Variants in OPA3 observed in about 807,000 individuals in gnomAD.
OPA3 encodes outer mitochondrial membrane lipid metabolism regulator OPA3.
In OPA3, 6 loss-of-function variants were observed where a neutral mutation model predicts 4.0. The observed-to-expected ratio is 1.51, with a 90% CI of 0.83 to 2.99. OPA3 has a LOEUF of 2.99. OPA3 is among the 30% of genes most tolerant of loss of function. The pLI, the probability that OPA3 is intolerant of heterozygous loss-of-function variation, is 0.00. For missense variants in OPA3, 235 were observed against 256.2 expected (o/e 0.92, Z 0.56); for synonymous variants, 105 against 117.1 (o/e 0.90, Z 0.67).
At chr19:45,572,515 T>C (rs1199199290) in intron 1 of OPA3, among the ~76,000 whole-genome samples, 1 of 131,698 alleles carries the variant, frequency 7.6e-6, no homozygotes, top group Non-Finnish European at 1.6e-5. Flanking sequence ...ATATCATATA[T>C]GAGATATGAG....
At chr19:45,559,867 C>T (rs1969479023) in intron 1 of OPA3, among the ~76,000 whole-genome samples, 1 of 152,058 alleles carries the variant, frequency 6.6e-6, no homozygotes, top group Non-Finnish European at 1.5e-5. Flanking sequence ...TAATAAATGG[C>T]AGCAAGACCT....
intron 1 of OPA3, among the ~76,000 whole-genome samples, chr19:45,570,920 C>G (rs1282030293): frequency 7.7e-6 from 1 of 130,336 alleles, no homozygotes; most frequent in African/African-American, 2.9e-5. Context: ...CCAAGAGTTT[C>G]CAAATTTACT....
rs539173263 is a variant in OPA3, at chr19:45,540,835, G to A, written c.143-11379C>T. ...AAACAAGCAAAAAAGCCAGAACACC[G>A]GGGTCCAGGACCTCTCTCACTGGAA... On this transcript the variant is annotated intron_variant, in intron 1 of 1. Transcript: ENST00000323060. Among the ~76,000 whole-genome samples, 280 of 151,954 alleles carry A rather than the reference G, an allele frequency of 1.8e-3. 1 individual carries two copies. The highest frequency in any genetic ancestry group is 6.5e-3 in the African/African-American group (270 of 41,478).
chr19:45,545,164 C>CAAAAAAAAA (rs779193252), downstream of OPA3, among the ~76,000 whole-genome samples: 2 of 40,800 alleles, frequency 4.9e-5, no homozygotes, highest in East Asian at 7.2e-4. Context: ...GACACCGTCT[C>CAAAAAAAAA]AAAAAAAAAA....
chr19:45,574,437 T>C (rs1969738355), intron 1 of OPA3, among the ~76,000 whole-genome samples: 1 of 151,000 alleles, frequency 6.6e-6, no homozygotes, highest in South Asian at 2.1e-4. Context: ...GGATTCCATG[T>C]ATACCCCCTG....
At chr19:45,560,816 C>T (rs1969491019) in intron 1 of OPA3, among the ~76,000 whole-genome samples, 1 of 152,164 alleles carries the variant, frequency 6.6e-6, no homozygotes, top group African/African-American at 2.4e-5. Flanking sequence ...TAGGTCACAA[C>T]ACAGTGGCTG....
intron 1 of OPA3, among the ~76,000 whole-genome samples, chr19:45,579,387 ATT>A (rs1969813295): frequency 6.6e-6 from 1 of 151,880 alleles, no homozygotes; most frequent in Non-Finnish European, 1.5e-5. Flanking sequence ...CACCTGGCTA[ATT>A]TTTGTATTTT....
intron 1 of OPA3, among the ~76,000 whole-genome samples, chr19:45,575,113 C>T (rs1969747813): frequency 6.6e-6 from 1 of 152,096 alleles, no homozygotes; most frequent in South Asian, 2.1e-4. Flanking sequence ...GTTTGTTTGC[C>T]TTTTTGAGAC....
chr19:45,575,608 AATT>A (rs1264110807), intron 1 of OPA3, among the ~76,000 whole-genome samples: 1 of 150,756 alleles, frequency 6.6e-6, no homozygotes, highest in African/African-American at 2.4e-5. Flanking sequence ...AAACAGCACA[AATT>A]ATTATTATTA....
downstream of OPA3, among the ~76,000 whole-genome samples, chr19:45,542,664 TG>T (rs1969198879): frequency 6.3e-5 from 8 of 126,474 alleles, no homozygotes; most frequent in South Asian, 1.8e-3. Context: ...ACTGTTTTTT[TG>T]TTTTTTTTTT....
downstream of OPA3, among the ~76,000 whole-genome samples, chr19:45,541,381 C>T (rs752844397): frequency 1.1e-4 from 17 of 152,000 alleles, no homozygotes; most frequent in Non-Finnish European, 2.1e-4. Flanking sequence ...CTGGGAGGTC[C>T]ATTGTTCTTG....
chr19:45,538,722 CAAA>C (rs3038837), intron 1 of OPA3, among the ~76,000 whole-genome samples: 2 of 105,924 alleles, frequency 1.9e-5, no homozygotes, highest in Non-Finnish European at 4.1e-5. Context: ...GACTCCGTCT[CAAA>C]AAAAAAAAAA....
intron 1 of OPA3, among the ~76,000 whole-genome samples, chr19:45,538,326 G>A (rs1472239723): frequency 6.6e-6 from 1 of 151,930 alleles, no homozygotes; most frequent in Middle Eastern, 3.4e-3. Context: ...GAGGCTGAGG[G>A]GGGAGGATTG....
chr19:45,582,053 T>C (rs1019743636), intron 1 of OPA3, among the ~76,000 whole-genome samples: 5 of 151,912 alleles, frequency 3.3e-5, no homozygotes, highest in African/African-American at 9.7e-5. Flanking sequence ...CACCTCGGCC[T>C]CCCAAAGTGC....
At chr19:45,568,582 C>T (rs558180257) in intron 1 of OPA3, among the ~76,000 whole-genome samples, 1 of 152,274 alleles carries the variant, frequency 6.6e-6, no homozygotes, top group East Asian at 1.9e-4. Flanking sequence ...TCCCACAGAC[C>T]TGGCTTGATC....
chr19:45,572,783 A>ATATATATAGATATATATATCATAC (rs1431650573), intron 1 of OPA3, among the ~76,000 whole-genome samples: 1 of 78,908 alleles, frequency 1.3e-5, no homozygotes, highest in African/African-American at 3.4e-5. Flanking sequence ...ATATCATACT[A>ATATATATAGATATATATATCATAC]TATATAGATA....
intron 1 of OPA3, 54 bp downstream of exon 1, chr19:45,584,569 C>A: frequency 6.2e-7 from 1 of 1,613,420 alleles, no homozygotes; most frequent in Non-Finnish European, 8.5e-7. Context: ...AAGCAACCAC[C>A]TGACAGGGGT....
At chr19:45,555,178 T>G (rs952051650) in intron 1 of OPA3, among the ~76,000 whole-genome samples, 2 of 152,172 alleles carry the variant, frequency 1.3e-5, no homozygotes, top group African/African-American at 4.8e-5. Flanking sequence ...TAGAACCTTA[T>G]GGTCACAGGA....
chr19:45,561,832 C>G (rs1190212583), intron 1 of OPA3, among the ~76,000 whole-genome samples: 1 of 151,440 alleles, frequency 6.6e-6, no homozygotes, highest in African/African-American at 2.4e-5. Flanking sequence ...TCCCAGCTAC[C>G]CGGGAGGCTG....
Sources: allele counts gnomAD v4.1 joint callset (sites outside exome capture counted in the v4.1 genomes callset), GRCh38; gene constraint gnomAD v4.1.1; transcripts MANE v1.5; gene names NCBI Gene and HGNC (gene_info 2026-07-23, HGNC 2026-07-21).